Variants in KMT2C observed in about 807,000 individuals in gnomAD.
KMT2C encodes lysine methyltransferase 2C.
KMT2C carries 88 observed loss-of-function variants against 507.9 expected under a neutral mutation model. The observed-to-expected ratio is 0.17, with a 90% CI of 0.15 to 0.21. The LOEUF (loss-of-function observed/expected upper bound fraction) is 0.21, where lower values mean the gene tolerates loss of function less well. Ranked by LOEUF, KMT2C falls within the 10% of genes least tolerant of loss-of-function variation. The pLI, the probability that KMT2C is intolerant of heterozygous loss-of-function variation, is 1.00. For synonymous variants in KMT2C, 2,049 were observed against 2,080.8 expected, an observed-to-expected ratio of 0.98 and a Z score of 0.42; for missense variants, 4,954 against 5,957.8, an observed-to-expected ratio of 0.83 and a Z score of 5.55.
Position 152,177,373 on chromosome 7 carries a change from G to A in KMT2C, c.8080C>T (p.Pro2694Ser), listed in dbSNP as rs1587952429. 6.2e-7 allele frequency: 1 copy of A among 1,614,158 alleles called. No individual in the cohort carries two copies. Among genetic ancestry groups the A allele is most frequent in the Non-Finnish European group, 8.5e-7 (1 of 1,180,008 alleles). ...GLEEKLDSDDPSVKELDVKDL... is the reference protein window; with the variant it reads ...GLEEKLDSDDSSVKELDVKDL... ...TTAACATCCAGTTCCTTCACAGAAG[G>A]GTCATCAGAATCAAGTTTTTCCTCT... Residue 2694 changes from proline to serine, a missense_variant, in exon 38 of 59, where the codon CCT (proline) becomes TCT (serine). Pro to Ser is a moderately conservative substitution (Grantham distance 74). Around this residue, in one of 29 missense-constraint regions of KMT2C, gnomAD observed 1,689 missense variants for 1,654.3 expected, o/e 1.02. Coordinates refer to ENST00000262189, the MANE Select transcript of KMT2C (RefSeq NM_170606.3).
intron 42 of KMT2C, among the ~76,000 whole-genome samples, chr7:152,166,765 G>C (rs541173090): frequency 1.3e-5 from 2 of 151,972 alleles, no homozygotes; most frequent in Non-Finnish European, 2.9e-5. Flanking sequence ...CCATGAGCTC[G>C]GTCCTCAGTT....
chr7:152,230,136 G>T (rs769138409), intron 17 of KMT2C, 84 bp downstream of exon 17: 53 of 1,033,030 alleles, frequency 5.1e-5, no homozygotes, highest in Non-Finnish European at 7.8e-5. Flanking sequence ...GCTAAATATT[G>T]AATGACTTCT....
At chr7:152,141,437 C>T (rs1189083642) in intron 55 of KMT2C, among the ~76,000 whole-genome samples, 2 of 151,500 alleles carry the variant, frequency 1.3e-5, no homozygotes, top group African/African-American at 2.4e-5. Flanking sequence ...AGGCCAGGTG[C>T]GGTGGCTCAC....
chr7:152,377,359 T>A, intron 1 of KMT2C, among the ~76,000 whole-genome samples: 2 of 152,224 alleles, frequency 1.3e-5, no homozygotes, highest in Non-Finnish European at 2.9e-5. Context: ...AGAATGTTAC[T>A]TTCATGCCTG....
intron 3 of KMT2C, among the ~76,000 whole-genome samples, chr7:152,322,068 A>C (rs1036602701): frequency 8.6e-5 from 13 of 152,004 alleles, no homozygotes; most frequent in African/African-American, 2.6e-4. Flanking sequence ...CAAAAAAAAA[A>C]AAACCATACA....
At chr7:152,215,513 CAAAAAAAA>C (rs35751147) in intron 23 of KMT2C, among the ~76,000 whole-genome samples, 5 of 25,956 alleles carry the variant, frequency 1.9e-4, no homozygotes, top group South Asian at 1.8e-3. Flanking sequence ...GACTCTGTCT[CAAAAAAAA>C]AAAAAAAAAA....
At chr7:152,172,477 C>T (rs1447364451) in intron 39 of KMT2C, among the ~76,000 whole-genome samples, 2 of 152,148 alleles carry the variant, frequency 1.3e-5, no homozygotes, top group Non-Finnish European at 2.9e-5. Flanking sequence ...AGGTGGATCA[C>T]CTGAGGTCAG....
intron 51 of KMT2C, among the ~76,000 whole-genome samples, chr7:152,150,545 G>T (rs903102644): frequency 1.8e-4 from 28 of 152,052 alleles, no homozygotes; most frequent in Admixed American, 3.9e-4. Flanking sequence ...GAATTGGGAG[G>T]CAGAGTCTGC....
At chr7:152,245,535 T>C (rs1423526635) in intron 14 of KMT2C, among the ~76,000 whole-genome samples, 2 of 152,184 alleles carry the variant, frequency 1.3e-5, no homozygotes, top group Non-Finnish European at 2.9e-5. Context: ...AAATTACACA[T>C]ATGGTCTGCA....
In KMT2C at chr7:152,148,022, G is replaced by A. The variant is rs2091313082; in HGVS notation, c.13894+11C>T. 1 of 1,557,504 alleles carries A rather than the reference G, an allele frequency of 6.4e-7. No individual in the cohort carries two copies. The highest frequency in any genetic ancestry group is 8.7e-7 in the Non-Finnish European group (1 of 1,148,252). ...AGTAGCACTGCACAGCATGTGAACG[G>A]CAGACGTTACCTTTAGGTGAGATGT... On this transcript the variant is annotated intron_variant, in intron 52 of 58. Transcript: ENST00000262189. This position sits in a 1 kb window ranked among gnomAD's most constrained non-coding sequence, Gnocchi z 7.1.
chr7:152,179,658 TTGGGG>T (rs1563272814), intron 37 of KMT2C, among the ~76,000 whole-genome samples, 171 bp downstream of exon 37: 1 of 2,688 alleles, frequency 3.7e-4, no homozygotes, highest in African/African-American at 1.4e-3. Flanking sequence ...GTTGAAGAGG[TTGGGG>T]GGGGGGGGGG....
chr7:152,229,748 AG>A (rs2095051008), intron 18 of KMT2C, among the ~76,000 whole-genome samples, 174 bp downstream of exon 18: 1 of 152,176 alleles, frequency 6.6e-6, no homozygotes, highest in South Asian at 2.1e-4. Flanking sequence ...AGATTTATAG[AG>A]GAGCAAATTT....
rs1186396993 is a variant in KMT2C at position 152,307,240 on chromosome 7, A to C, written c.849+2726T>G. On this transcript the variant is annotated intron_variant, in intron 6 of 58. Transcript: ENST00000262189. ...AAGGAAGGAAGGAAGGAAGGAAGGA[A>C]GGAAGGAAGGACGGTAGGAAGGAAG... 1.9e-4 allele frequency among the ~76,000 whole-genome samples: 24 copies of C among 127,762 alleles called. No homozygotes were observed. In the East Asian group the frequency reaches 2.2e-3, roughly 12 times the overall value. 83.8% of individuals were successfully genotyped at this position (127,762 alleles called of 152,430 possible).
In KMT2C at chr7:152,416,435, C is replaced by T. The variant is rs533149948; in HGVS notation, c.161+19191G>A. Among the ~76,000 whole-genome samples, 6 of 152,380 alleles carry T rather than the reference C, an allele frequency of 3.9e-5. No homozygotes were observed. The East Asian group carries it at 9.7e-4, about 25-fold the overall frequency. On this transcript the variant is annotated intron_variant, in intron 1 of 58. Coordinates refer to ENST00000262189, the MANE Select transcript of KMT2C (RefSeq NM_170606.3). ...TGGCAGGCACCTGTAGTCCCAGCTA[C>T]TCGGGAGGGAGGCTGAGGCAGGAGA...
At chr7:152,209,468 AAAAAAAT>A (rs1360755296) in intron 23 of KMT2C, among the ~76,000 whole-genome samples, 2 of 151,864 alleles carry the variant, frequency 1.3e-5, no homozygotes, top group African/African-American at 4.8e-5. Context: ...AAAAAAAAAA[AAAAAAAT>A]GACAGGGAAT....
chr7:152,372,394 G>A lies in KMT2C; in HGVS notation c.162-13719C>T, dbSNP rs376584192. 3.6e-4 allele frequency among the ~76,000 whole-genome samples: 55 copies of A among 152,226 alleles called. 1 individual carries two copies. The South Asian group carries it at 0.011, about 29-fold the overall frequency. ...TGGTCTCAAACTCCTGACCTCAGGT[G>A]ATCTACCCACCTCAGCCTCCCAAAG... is the stretch of plus-strand genomic sequence containing the variant. On this transcript the variant is annotated intron_variant, in intron 1 of 58. Coordinates refer to ENST00000262189, the MANE Select transcript of KMT2C (RefSeq NM_170606.3).
At chr7:152,147,177 A>G (rs1455217592) in intron 52 of KMT2C, among the ~76,000 whole-genome samples, 1 of 152,088 alleles carries the variant, frequency 6.6e-6, no homozygotes, top group African/African-American at 2.4e-5. Context: ...TTTAAGTGCT[A>G]AACTTAAGAA....
chr7:152,137,143 T>C (rs1587566200), intron 58 of KMT2C: 1 of 499,478 alleles, frequency 2.0e-6, no homozygotes, highest in East Asian at 3.4e-5. Flanking sequence ...AACAGCGAGA[T>C]CTGAGAACGG....
At chr7:152,301,976 C>T (rs1357540565) in intron 6 of KMT2C, among the ~76,000 whole-genome samples, 1 of 152,140 alleles carries the variant, frequency 6.6e-6, no homozygotes, top group African/African-American at 2.4e-5. Flanking sequence ...ATTTGCCTAT[C>T]TACATTCTTA....
Sources: allele counts gnomAD v4.1 joint callset (sites outside exome capture counted in the v4.1 genomes callset), GRCh38; gene constraint gnomAD v4.1.1; regional missense constraint gnomAD v4.1.1; non-coding constraint Gnocchi (gnomAD v3.1); transcripts MANE v1.5; gene names NCBI Gene and HGNC (gene_info 2026-07-23, HGNC 2026-07-21).